The following PAH variants were observed in gnomAD, a reference collection of about 807,000 sequenced individuals.
PAH encodes phenylalanine hydroxylase, also known as phenylalanine-4-hydroxylase.
Under a neutral mutation model 62.0 loss-of-function variants are expected in PAH, and 64 were observed. The observed-to-expected ratio is 1.03, with a 90% CI of 0.84 to 1.27. The LOEUF is 1.27. Among genes scored for constraint, PAH ranks in the 50% most tolerant of loss-of-function variants. PAH has a pLI of 0.00. For synonymous variants in PAH, 195 were observed against 196.2 expected (o/e 0.99, Z 0.05); for missense variants, 579 against 542.8 (o/e 1.07, Z -0.66).
intron 11 of PAH, among the ~76,000 whole-genome samples, chr12:102,843,284 G>A (rs552116670): frequency 5.9e-5 from 9 of 152,176 alleles, no homozygotes; most frequent in Non-Finnish European, 8.8e-5. Context: ...CACAAAGGAG[G>A]AAGCAAATTT....
At chr12:102,893,331 C>G (rs930038921) in intron 3 of PAH, among the ~76,000 whole-genome samples, 2 of 152,108 alleles carry the variant, frequency 1.3e-5, no homozygotes, top group Non-Finnish European at 2.9e-5. Flanking sequence ...ACCCAGGAGG[C>G]AGAGGTTGCA....
chr12:102,956,849 A>C (rs955831644), intron 1 of PAH, among the ~76,000 whole-genome samples: 3 of 152,090 alleles, frequency 2.0e-5, no homozygotes, highest in Admixed American at 6.5e-5. Context: ...GCGGCCCCCC[A>C]CACACTTGCT....
At chr12:102,880,854 T>C (rs1045705637) in intron 3 of PAH, among the ~76,000 whole-genome samples, 2 of 152,074 alleles carry the variant, frequency 1.3e-5, no homozygotes, top group African/African-American at 2.4e-5. Context: ...GGGATGCTCT[T>C]TTTTAAATTC....
intron 3 of PAH, among the ~76,000 whole-genome samples, chr12:102,887,621 A>AG (rs1216253402): frequency 1.3e-5 from 2 of 152,128 alleles, no homozygotes; most frequent in Non-Finnish European, 2.9e-5. Flanking sequence ...ATTCAACTCA[A>AG]GCAAGTCCAA....
At chr12:102,934,166 A>G (rs765704494) in intron 1 of PAH, among the ~76,000 whole-genome samples, 2 of 152,112 alleles carry the variant, frequency 1.3e-5, no homozygotes, top group Non-Finnish European at 2.9e-5. Context: ...TCCCAGCATC[A>G]TTGATTGAAG....
chr12:102,858,183 CT>C (rs780590623), intron 5 of PAH, among the ~76,000 whole-genome samples: 5 of 152,054 alleles, frequency 3.3e-5, no homozygotes, highest in Non-Finnish European at 7.4e-5. Flanking sequence ...ATCCTAGTCT[CT>C]GATAAAACAG....
rs141284018 is a variant in PAH at position 102,934,600 on chromosome 12, C to T, written c.-96+15989G>A. On this transcript the variant is annotated intron_variant, in intron 1 of 3. Transcript: ENST00000546844. Reference sequence around the variant, plus strand: ...TTTTTGCATCCTCTTCAATTTCTTTCATCAATGTCTTATAGTTTTCATTGT... The same window carrying T: ...TTTTTGCATCCTCTTCAATTTCTTTTATCAATGTCTTATAGTTTTCATTGT... Among the ~76,000 whole-genome samples, 518 of 152,084 alleles carry T rather than the reference C, an allele frequency of 3.4e-3. 4 individuals are homozygous for T. Among genetic ancestry groups the T allele is most frequent in the Non-Finnish European group, 5.3e-3 (360 of 67,876 alleles).
intron 1 of PAH, among the ~76,000 whole-genome samples, chr12:102,947,864 A>G (rs1192710819): frequency 1.3e-5 from 2 of 152,170 alleles, no homozygotes; most frequent in Non-Finnish European, 2.9e-5. Context: ...CAAACTGTGG[A>G]CCCAGACTAC....
intron 1 of PAH, among the ~76,000 whole-genome samples, chr12:102,941,158 TA>T (rs1194679888): frequency 1.3e-5 from 2 of 152,132 alleles, no homozygotes; most frequent in African/African-American, 4.8e-5. Flanking sequence ...TGCCTTACAA[TA>T]GATCTTTAAG....
At chr12:102,857,190 T>A (rs1875474344) in intron 5 of PAH, among the ~76,000 whole-genome samples, 1 of 152,220 alleles carries the variant, frequency 6.6e-6, no homozygotes, top group Non-Finnish European at 1.5e-5. Context: ...TGCACAAGCT[T>A]CAGTAGCTGA....
At chr12:102,917,874 A>G (rs1321615217), upstream of PAH, among the ~76,000 whole-genome samples, 1 of 152,230 alleles carries the variant, frequency 6.6e-6, no homozygotes. Context: ...AGGAATAAAG[A>G]AATGCATTAA....
intron 2 of PAH, among the ~76,000 whole-genome samples, chr12:102,901,948 G>C (rs553207494): frequency 6.6e-6 from 1 of 152,288 alleles, no homozygotes; most frequent in East Asian, 1.9e-4. Flanking sequence ...GTTCTCAAAG[G>C]AGGAGACAAA....
At chr12:102,934,275 T>C (rs1325729860) in intron 1 of PAH, among the ~76,000 whole-genome samples, 1 of 152,108 alleles carries the variant, frequency 6.6e-6, no homozygotes, top group Non-Finnish European at 1.5e-5. Context: ...TTCTCTTCCA[T>C]TGCTCTGTGT....
intron 3 of PAH, among the ~76,000 whole-genome samples, chr12:102,882,301 C>T (rs1052308901): frequency 1.2e-4 from 18 of 152,160 alleles, no homozygotes; most frequent in African/African-American, 4.3e-4. Context: ...CATGAATAGT[C>T]AGTCCAGCAA....
chr12:102,949,759 A>G (rs969459788), intron 1 of PAH, among the ~76,000 whole-genome samples: 1 of 152,120 alleles, frequency 6.6e-6, no homozygotes, highest in Non-Finnish European at 1.5e-5. Flanking sequence ...TAGATTGTGT[A>G]TTTATTTGGG....
chr12:102,869,890 A>G (rs553024104), intron 4 of PAH, among the ~76,000 whole-genome samples: 2 of 152,368 alleles, frequency 1.3e-5, no homozygotes, highest in African/African-American at 4.8e-5. Flanking sequence ...GTCTCAATTT[A>G]GACTAATAGC....
Position 102,894,927 on chromosome 12 carries a change from G to A in PAH, c.169-9C>T. 6.2e-7 allele frequency: 1 copy of A among 1,608,126 alleles called. No homozygotes were observed. The highest frequency in any genetic ancestry group is 2.2e-5 in the East Asian group (1 of 44,864). On this transcript the variant is annotated splice_polypyrimidine_tract_variant and intron_variant, in intron 2 of 12. Transcript: ENST00000553106. ...AGGTTTACATCATTCTCCTAGAAGA[G>A]AGAATGGGGAGGGTGAGGAGACAGT... is the stretch of plus-strand genomic sequence containing the variant.
At chr12:102,847,049 G>T (rs1448149342) in intron 8 of PAH, 98 bp from the exon 9 acceptor site, 2 of 935,314 alleles carry the variant, frequency 2.1e-6, no homozygotes, top group Non-Finnish European at 3.5e-6. Flanking sequence ...GTGGCCAGAT[G>T]CCTTCAGAAC....
At chr12:102,851,893 T>G (rs1001525311) in intron 7 of PAH, 137 bp from the exon 8 acceptor site, 2 of 699,120 alleles carry the variant, frequency 2.9e-6, no homozygotes, top group Non-Finnish European at 5.1e-6. Context: ...CAGGAATAAG[T>G]GATATGCAGA....
Sources: gnomAD v4.1 joint callset for allele counts (sites outside exome capture counted in the v4.1 genomes callset) on GRCh38, gnomAD v4.1.1 for gene constraint, MANE v1.5 for transcripts, NCBI Gene and HGNC (gene_info 2026-07-23, HGNC 2026-07-21) for gene names.